OXCT1: variants seen among roughly 807,000 people sequenced by gnomAD.
OXCT1 encodes the protein 3-oxoacid CoA-transferase 1.
OXCT1 carries 27 observed loss-of-function variants against 69.6 expected under a neutral mutation model. The ratio of observed to expected loss-of-function variants is 0.39; its 90% CI spans 0.29 to 0.54. The LOEUF is 0.54. Ranked by LOEUF, OXCT1 falls within the 20% of genes least tolerant of loss-of-function variation. The pLI is 0.72. For missense variants in OXCT1, 437 were observed against 650.2 expected (o/e 0.67, Z 3.57); for synonymous variants, 202 against 217.8 (o/e 0.93, Z 0.64).
At chr5:41,764,325 T>C (rs1744494284) in intron 13 of OXCT1, among the ~76,000 whole-genome samples, 1 of 152,140 alleles carries the variant, frequency 6.6e-6, no homozygotes, top group African/African-American at 2.4e-5. Flanking sequence ...CATAGAGCTG[T>C]GGTGAGCACT....
At chr5:41,847,843 G>C (rs970448140) in intron 5 of OXCT1, among the ~76,000 whole-genome samples, 55 of 145,838 alleles carry the variant, frequency 3.8e-4, no homozygotes, top group African/African-American at 8.9e-4. Flanking sequence ...GGCAAAAACT[G>C]GAAGCATTCC....
At position 41,853,451 on chromosome 5, in the gene OXCT1, A is replaced by G; in HGVS notation, c.382T>C (p.Ser128Pro). ...ENAEFERQYLSGELEVELTPQ... is the reference protein window; with the variant it reads ...ENAEFERQYLPGELEVELTPQ... ...GTCAGCTCCACTTCTAATTCACCAGATAAGTACTGTCGTTCAAATTCTGCA... is the reference window on the plus strand; with the variant it reads ...GTCAGCTCCACTTCTAATTCACCAGGTAAGTACTGTCGTTCAAATTCTGCA... Residue 128 changes from serine (S) to proline (P), a missense_variant, in exon 4 of 17, where the codon TCT (serine) becomes CCT (proline). Around this residue, in one of 4 missense-constraint regions of OXCT1, gnomAD observed 252 missense variants for 397.4 expected, o/e 0.63. Coordinates refer to ENST00000196371, the MANE Select transcript of OXCT1 (RefSeq NM_000436.4). The G allele has an allele frequency of 6.2e-7, 1 of 1,613,920 alleles. No homozygotes were observed. Among genetic ancestry groups the G allele is most frequent in the Non-Finnish European group, 8.5e-7 (1 of 1,179,834 alleles).
At chr5:41,752,706 C>T (rs1259202301) in intron 14 of OXCT1, among the ~76,000 whole-genome samples, 1 of 152,032 alleles carries the variant, frequency 6.6e-6, no homozygotes, top group East Asian at 1.9e-4. Context: ...ATGCTCATGC[C>T]ATTGCACTCC....
chr5:41,771,937 T>C (rs1744889434), intron 13 of OXCT1, among the ~76,000 whole-genome samples: 1 of 152,242 alleles, frequency 6.6e-6, no homozygotes, highest in Admixed American at 6.5e-5. Flanking sequence ...TCAACCTATG[T>C]TCTAATGGTG....
chr5:41,815,611 T>C (rs1561099346), intron 7 of OXCT1, among the ~76,000 whole-genome samples: 2 of 152,206 alleles, frequency 1.3e-5, no homozygotes, highest in Non-Finnish European at 2.9e-5. Flanking sequence ...ATTAGGACTG[T>C]GGCAAATCCA....
Position 41,797,747 on chromosome 5 carries a change from T to A in OXCT1, c.1100-2998A>T, listed in dbSNP as rs372296099. Among the ~76,000 whole-genome samples, 12 of 152,314 alleles carry A rather than the reference T, an allele frequency of 7.9e-5. No homozygotes were observed. The East Asian group carries it at 1.7e-3, about 22-fold the overall frequency. On this transcript the variant is annotated intron_variant, in intron 11 of 16. Coordinates refer to ENST00000196371, the MANE Select transcript of OXCT1 (RefSeq NM_000436.4). ...AACTAGTGGTTTGCAAACTTTAACA[T>A]TCATCAGAATCACATGGAAGATTTA...
At chr5:41,794,453 C>T (rs139065423) in intron 12 of OXCT1, 1 of 608,234 alleles carries the variant, frequency 1.6e-6, no homozygotes, top group East Asian at 2.7e-5. Context: ...ATGGTTGGCA[C>T]AAAGGCATGG....
chr5:41,855,895 G>A (rs939080671), intron 3 of OXCT1, among the ~76,000 whole-genome samples: 2 of 152,126 alleles, frequency 1.3e-5, no homozygotes, highest in African/African-American at 4.8e-5. Context: ...TAGGAAAAAA[G>A]AAAACATCTC....
intron 3 of OXCT1, among the ~76,000 whole-genome samples, chr5:41,857,836 A>C (rs1293646891): frequency 6.6e-6 from 1 of 152,256 alleles, no homozygotes; most frequent in Non-Finnish European, 1.5e-5. Context: ...TATCATCTAC[A>C]GCCCAGACTA....
chr5:41,738,343 C>A (rs1488910941), intron 16 of OXCT1, among the ~76,000 whole-genome samples: 1 of 152,108 alleles, frequency 6.6e-6, no homozygotes, highest in East Asian at 1.9e-4. Context: ...CCTTGTGTCA[C>A]GGGAGGGACC....
intron 3 of OXCT1, among the ~76,000 whole-genome samples, chr5:41,859,791 C>T (rs1749629969): frequency 6.7e-6 from 1 of 148,816 alleles, no homozygotes; most frequent in Non-Finnish European, 1.5e-5. Context: ...GTCATTGGTA[C>T]ACAACCAGAC....
intron 7 of OXCT1, among the ~76,000 whole-genome samples, chr5:41,832,434 T>G (rs954426554): frequency 3.9e-5 from 6 of 152,160 alleles, no homozygotes; most frequent in Non-Finnish European, 7.3e-5. Context: ...AAAATTCTTC[T>G]GGATATTATC....
intron 1 of OXCT1, 53 bp from the exon 2 acceptor site, chr5:41,862,803 TTG>T: frequency 9.5e-7 from 1 of 1,047,872 alleles, no homozygotes; most frequent in Non-Finnish European, 1.5e-6. Context: ...CAGCTTTACT[TTG>T]TGTGTGTAGC....
chr5:41,773,661 A>G (rs80106604), intron 13 of OXCT1, among the ~76,000 whole-genome samples: 4,144 of 151,006 alleles, frequency 0.027, 140 homozygotes, highest in Admixed American at 0.078. Context: ...AGAATAGAAT[A>G]GAAAATTGTT....
chr5:41,820,978 A>G (rs538356907), intron 7 of OXCT1, among the ~76,000 whole-genome samples: 1 of 152,298 alleles, frequency 6.6e-6, no homozygotes, highest in African/African-American at 2.4e-5. Flanking sequence ...TGCTCTATGC[A>G]CAACTTATTT....
chr5:41,844,614 C>A (rs549589549), intron 5 of OXCT1, among the ~76,000 whole-genome samples: 12 of 152,102 alleles, frequency 7.9e-5, no homozygotes, highest in Admixed American at 2.0e-4. Context: ...AAGTCTCTAT[C>A]CTGGCTCTAG....
chr5:41,832,673 C>T (rs1330357758), intron 7 of OXCT1, among the ~76,000 whole-genome samples: 1 of 152,082 alleles, frequency 6.6e-6, no homozygotes, highest in East Asian at 1.9e-4. Flanking sequence ...CAAAATAAGG[C>T]ACCGGGGACC....
At chr5:41,805,006 A>C (rs1228410418) in intron 9 of OXCT1, among the ~76,000 whole-genome samples, 1 of 152,144 alleles carries the variant, frequency 6.6e-6, no homozygotes, top group African/African-American at 2.4e-5. Flanking sequence ...TCAAAATCCA[A>C]ATATTAATTG....
chr5:41,853,553 C>T lies in OXCT1; in HGVS notation c.280G>A (p.Val94Ile). 1 of 1,613,686 alleles carries T rather than the reference C, an allele frequency of 6.2e-7. No individual in the cohort carries two copies. The highest frequency in any genetic ancestry group is 1.1e-5 in the South Asian group (1 of 91,080). ...AAAAGCCCCAAACCAAAATTGTCAA[C>T]CCTAGAAGGAAAATGAAGGGAGCTT... ...GLTAVSNNAG[V>I]DNFGLGLLLR... The change falls in exon 4 of 17, where the codon GTT becomes ATT. Residue 94 changes from valine to isoleucine, a missense_variant and splice_region_variant. Coordinates refer to ENST00000196371, the MANE Select transcript of OXCT1 (RefSeq NM_000436.4).
Sources: gnomAD v4.1 joint callset for allele counts (sites outside exome capture counted in the v4.1 genomes callset) on GRCh38, gnomAD v4.1.1 for gene constraint, gnomAD v4.1.1 regional missense constraint, MANE v1.5 for transcripts, NCBI Gene and HGNC (gene_info 2026-07-23, HGNC 2026-07-21) for gene names.